HDAC8: variants seen among roughly 807,000 people sequenced by gnomAD.
HDAC8 encodes histone deacetylase-like 1.
A neutral mutation model predicts 32.2 loss-of-function variants in HDAC8; 1 was observed. The ratio of observed to expected loss-of-function variants is 0.03; its 90% confidence interval spans 0.01 to 0.15. The LOEUF (loss-of-function observed/expected upper bound fraction) is 0.15, where lower values mean the gene tolerates loss of function less well. Among genes scored for constraint, HDAC8 ranks in the 10% least tolerant of loss-of-function variants. HDAC8 has a pLI of 1.00. For missense variants in HDAC8, 117 were observed against 300.0 expected (o/e 0.39, Z 4.51); for synonymous variants, 108 against 113.9 (o/e 0.95, Z 0.33).
chrX:72,422,318 T>C (rs782191152), intron 9 of HDAC8, among the ~76,000 whole-genome samples: 8 of 111,601 alleles, frequency 7.2e-5, no homozygotes, highest in Non-Finnish European at 1.1e-4. Context: ...GACCACTTGA[T>C]GGTGTCCCAC....
chrX:72,392,512 T>C (rs1212029945), intron 9 of HDAC8, among the ~76,000 whole-genome samples: 1 of 112,208 alleles, frequency 8.9e-6, no homozygotes, highest in Non-Finnish European at 1.9e-5. Context: ...AGAGTCAGTG[T>C]TGAGCACAAT....
chrX:72,384,922 T>C (rs782759352), intron 9 of HDAC8, among the ~76,000 whole-genome samples: 13 of 112,097 alleles, frequency 1.2e-4, no homozygotes, highest in Non-Finnish European at 2.1e-4. Flanking sequence ...TACCTTATCT[T>C]GGAGATTCTT....
At chrX:72,334,963 C>G (rs2043639073) in intron 10 of HDAC8, among the ~76,000 whole-genome samples, 1 of 111,708 alleles carries the variant, frequency 9.0e-6, no homozygotes, top group Admixed American at 9.5e-5. Context: ...CTACTCTGTG[C>G]CAGGTATTTT....
At chrX:72,357,167 T>C (rs2044394197) in intron 9 of HDAC8, among the ~76,000 whole-genome samples, 1 of 108,323 alleles carries the variant, frequency 9.2e-6, no homozygotes. Context: ...GATTTCTGGC[T>C]GTGTGGGAGG....
intron 9 of HDAC8, among the ~76,000 whole-genome samples, chrX:72,447,124 G>A (rs2047429142): frequency 8.9e-6 from 1 of 112,110 alleles, no homozygotes; most frequent in Non-Finnish European, 1.9e-5. Flanking sequence ...AAACCTGGTA[G>A]AGACACAGAA....
chrX:72,568,387 TAC>T (rs2051882337), intron 3 of HDAC8, among the ~76,000 whole-genome samples: 1 of 111,843 alleles, frequency 8.9e-6, no homozygotes, highest in Middle Eastern at 4.2e-3. Flanking sequence ...GCAGGTCACT[TAC>T]AGTTTTAAAA....
At chrX:72,461,858 C>A (rs966226881) in intron 9 of HDAC8, 146 bp downstream of exon 9, 2 of 404,849 alleles carry the variant, frequency 4.9e-6, no homozygotes, top group South Asian at 6.1e-5. Context: ...GAACAAGAGT[C>A]CACTATTCTG....
chrX:72,455,788 A>C (rs1295187141), intron 9 of HDAC8, among the ~76,000 whole-genome samples: 2 of 111,845 alleles, frequency 1.8e-5, no homozygotes, highest in Non-Finnish European at 3.8e-5. Flanking sequence ...TAGCATTTGG[A>C]ATATTTGCAT....
At position 72,395,710 on chromosome X, in the gene HDAC8, G is replaced by A. The variant is rs372531308; in HGVS notation, c.1006-43872C>T. ...TGTAATCAAAGGCAGTCTGGAGGAG[G>A]AAGGACAGACTGCACAGACTTGAAG... On this transcript the variant is annotated intron_variant, in intron 9 of 10. Coordinates refer to ENST00000373573, the MANE Select transcript of HDAC8 (RefSeq NM_018486.3). Among the ~76,000 whole-genome samples the A allele has an allele frequency of 1.2e-4, 13 of 112,383 alleles. No individual in the cohort carries two copies. The East Asian group carries it at 2.5e-3, about 22-fold the overall frequency.
chrX:72,389,310 C>G (rs1435073914), intron 9 of HDAC8, among the ~76,000 whole-genome samples: 1 of 111,100 alleles, frequency 9.0e-6, no homozygotes, highest in Non-Finnish European at 1.9e-5. Flanking sequence ...CTAAGTGTCT[C>G]GAAACAAATT....
Position 72,342,791 on chromosome X carries a change from G to A in HDAC8, c.1111+8942C>T, listed in dbSNP as rs1190255775. On this transcript the variant is annotated intron_variant, in intron 10 of 10. Transcript: ENST00000373573. ...CTAAGCTTTGAGTATGATCCTCAGC[G>A]TCTCAGTTGGAATCCTATCTTCCGC... Among the ~76,000 whole-genome samples, 7 of 111,890 alleles carry A rather than the reference G, an allele frequency of 6.3e-5. 1 individual carries two copies. The highest frequency in any genetic ancestry group is 2.8e-4 in the East Asian group (1 of 3,570).
intron 9 of HDAC8, among the ~76,000 whole-genome samples, chrX:72,429,827 G>A (rs1311017946): frequency 2.7e-5 from 3 of 111,927 alleles, no homozygotes; most frequent in Non-Finnish European, 5.6e-5. Context: ...CAAGGTGAAA[G>A]CAACTGAGAG....
intron 6 of HDAC8, 145 bp downstream of exon 6, chrX:72,490,784 C>G: frequency 2.3e-6 from 1 of 431,890 alleles, no homozygotes; most frequent in Non-Finnish European, 4.0e-6. Context: ...TATCTCCTAT[C>G]TGAATGAAAA....
chrX:72,365,500 T>C (rs2044671601), intron 9 of HDAC8, among the ~76,000 whole-genome samples: 1 of 111,536 alleles, frequency 9.0e-6, no homozygotes, highest in African/African-American at 3.3e-5. Flanking sequence ...GTATGGGGGC[T>C]GAGTAATGAA....
rs1022878207 is a variant in HDAC8 at position 72,410,513 on chromosome X, T to C, written c.1005+51491A>G. Among the ~76,000 whole-genome samples the C allele has an allele frequency of 2.7e-5, 3 of 111,683 alleles. No homozygotes were observed. In the Admixed American group the frequency reaches 2.8e-4, roughly 11 times the overall value. ...CAGAGAAAGAAGATGAAATCAGTGG[T>C]TGGGAAATCAGCATTCAATTATAAT... On this transcript the variant is annotated intron_variant, in intron 9 of 10. Coordinates refer to ENST00000373573, the MANE Select transcript of HDAC8 (RefSeq NM_018486.3).
At chrX:72,554,529 G>GGGGAGCGCA (rs2051213334) in intron 4 of HDAC8, among the ~76,000 whole-genome samples, 1 of 110,254 alleles carries the variant, frequency 9.1e-6, no homozygotes, top group Non-Finnish European at 1.9e-5. Flanking sequence ...CGGGGAGCGC[G>GGGGAGCGCA]GGGAGCGAGG....
At chrX:72,558,597 A>G (rs2051367893) in intron 4 of HDAC8, among the ~76,000 whole-genome samples, 2 of 111,803 alleles carry the variant, frequency 1.8e-5, no homozygotes, top group African/African-American at 6.5e-5. Context: ...AAGGTAATAA[A>G]AGGTAATAAT....
intron 10 of HDAC8, among the ~76,000 whole-genome samples, chrX:72,338,843 G>A (rs952691197): frequency 2.6e-4 from 28 of 106,379 alleles, no homozygotes; most frequent in African/African-American, 8.9e-4. Flanking sequence ...GAGCCCAGGA[G>A]TTCGAGACCA....
intron 9 of HDAC8, among the ~76,000 whole-genome samples, chrX:72,367,998 G>A (rs1555954966): frequency 2.6e-5 from 3 of 113,295 alleles, no homozygotes; most frequent in Non-Finnish European, 5.6e-5. Context: ...AAGCTTTTGA[G>A]CTAAATTCAG....
Sources: allele counts gnomAD v4.1 joint callset (sites outside exome capture counted in the v4.1 genomes callset), GRCh38; gene constraint gnomAD v4.1.1; transcripts MANE v1.5; gene names NCBI Gene and HGNC (gene_info 2026-07-23, HGNC 2026-07-21).